Variants in SOX5 observed in about 807,000 individuals in gnomAD.
SOX5 encodes SRY-box transcription factor 5.
A neutral mutation model predicts 92.0 loss-of-function variants in SOX5; 9 were observed. The ratio of observed to expected loss-of-function variants is 0.10; its 90% CI spans 0.06 to 0.17. The LOEUF (loss-of-function observed/expected upper bound fraction) is 0.17. Ranked by LOEUF, SOX5 falls within the 10% of genes least tolerant of loss-of-function variation. The pLI, the probability that SOX5 is intolerant of heterozygous loss-of-function variation, is 1.00. For synonymous variants in SOX5, 344 were observed against 336.3 expected, an observed-to-expected ratio of 1.02 and a Z score of -0.25; for missense variants, 642 against 944.5, an observed-to-expected ratio of 0.68 and a Z score of 4.20.
intron 9 of SOX5, among the ~76,000 whole-genome samples, chr12:23,601,950 G>T (rs541622138): frequency 6.6e-6 from 1 of 152,206 alleles, no homozygotes; most frequent in East Asian, 1.9e-4. Flanking sequence ...TTATTAAATC[G>T]TTGTTACTTG....
intron 9 of SOX5, among the ~76,000 whole-genome samples, chr12:23,581,742 T>C (rs912173822): frequency 2.6e-5 from 4 of 152,140 alleles, no homozygotes; most frequent in Non-Finnish European, 5.9e-5. Flanking sequence ...AAGAAGTCCA[T>C]TTACTTTTTA....
Position 24,251,713 on chromosome 12 carries a change from A to C in SOX5, c.-77+25503T>G, listed in dbSNP as rs1251825773. 8.6e-5 allele frequency among the ~76,000 whole-genome samples: 13 copies of C among 151,934 alleles called. No individual in the cohort carries two copies. In the East Asian group the frequency reaches 2.3e-3, roughly 27 times the overall value. Reference sequence around the variant, plus strand: ...CAGCCTCCCAAGTAGCTGGGATTACAGGCGCCTGCCACCACGCCCAGCTAA... The same window carrying C: ...CAGCCTCCCAAGTAGCTGGGATTACCGGCGCCTGCCACCACGCCCAGCTAA... On this transcript the variant is annotated intron_variant, in intron 3 of 4. Transcript: ENST00000446891.
intron 2 of SOX5, among the ~76,000 whole-genome samples, chr12:23,863,840 A>T (rs1297436230): frequency 3.6e-5 from 5 of 139,616 alleles, no homozygotes; most frequent in East Asian, 2.2e-4. Flanking sequence ...ACACACACAC[A>T]CTCTGAAATA....
chr12:23,674,570 T>G (rs983143710), intron 6 of SOX5, among the ~76,000 whole-genome samples: 1 of 151,754 alleles, frequency 6.6e-6, no homozygotes, highest in Non-Finnish European at 1.5e-5. Context: ...ACTCTTTACC[T>G]CAGATGATCC....
Position 24,099,922 on chromosome 12 carries a change from A to C in SOX5, c.-2+113421T>G, listed in dbSNP as rs117168461. ...TGCACCTTTGTTTGGTCAGCTGTAA[A>C]ATGAGAAATTTTGATGTGATGAGCT... On this transcript the variant is annotated intron_variant, in intron 4 of 4. Coordinates refer to the SOX5 transcript ENST00000446891. Among the ~76,000 whole-genome samples the C allele has an allele frequency of 6.0e-3, 919 of 152,272 alleles. 7 individuals are homozygous for C. Among genetic ancestry groups the C allele is most frequent in the South Asian group, 0.033 (161 of 4,824 alleles).
At chr12:24,229,317 C>T (rs1962858801) in intron 3 of SOX5, among the ~76,000 whole-genome samples, 2 of 152,268 alleles carry the variant, frequency 1.3e-5, no homozygotes, top group Admixed American at 6.5e-5. Context: ...ATTCTCATTG[C>T]CAAGTGTCGA....
At chr12:24,045,611 T>TCTTAAAGACA (rs1451588060) in intron 4 of SOX5, among the ~76,000 whole-genome samples, 2 of 152,134 alleles carry the variant, frequency 1.3e-5, no homozygotes, top group Admixed American at 1.3e-4. Context: ...AAGACAACCT[T>TCTTAAAGACA]CTTAAAGACA....
chr12:23,971,530 AAT>A (rs139288287), intron 4 of SOX5, among the ~76,000 whole-genome samples: 235 of 146,700 alleles, frequency 1.6e-3, no homozygotes, highest in African/African-American at 1.9e-3. Context: ...TCCACTTCAG[AAT>A]ATATATATAT....
intron 3 of SOX5, among the ~76,000 whole-genome samples, chr12:23,825,808 A>G (rs1459043981): frequency 1.3e-5 from 2 of 152,224 alleles, no homozygotes; most frequent in Non-Finnish European, 2.9e-5. Context: ...TATTATATGT[A>G]TACTTTAAAA....
chr12:23,538,150 C>G (rs1941030178), intron 13 of SOX5, among the ~76,000 whole-genome samples: 1 of 152,160 alleles, frequency 6.6e-6, no homozygotes, highest in Non-Finnish European at 1.5e-5. Context: ...TCACCCGTAA[C>G]TCCCTATCTT....
At chr12:23,568,446 A>G (rs1947543960) in intron 10 of SOX5, among the ~76,000 whole-genome samples, 1 of 152,198 alleles carries the variant, frequency 6.6e-6, no homozygotes, top group Non-Finnish European at 1.5e-5. Context: ...CTAAGAATTG[A>G]GAAATGATCC....
Position 23,568,492 on chromosome 12 carries a change from C to G in SOX5, c.1343-5089G>C, listed in dbSNP as rs182653127. On this transcript the variant is annotated intron_variant, in intron 10 of 14. Transcript: ENST00000451604. ...AAAATAACTACTGCTTGCCTCAAAC[C>G]CTTCCAGATTGCCAGATACATGTAT... is the stretch of plus-strand genomic sequence containing the variant. Among the ~76,000 whole-genome samples, 34 of 152,218 alleles carry G rather than the reference C, an allele frequency of 2.2e-4. No individual in the cohort carries two copies. In the East Asian group the frequency reaches 4.8e-3, roughly 22 times the overall value.
intron 4 of SOX5, among the ~76,000 whole-genome samples, chr12:24,153,046 T>C (rs1181688951): frequency 6.6e-6 from 1 of 152,090 alleles, no homozygotes; most frequent in Non-Finnish European, 1.5e-5. Flanking sequence ...GGAGTGGCTG[T>C]TGTCAGCAGA....
At chr12:23,578,300 G>T (rs546766258) in intron 9 of SOX5, among the ~76,000 whole-genome samples, 1 of 148,982 alleles carries the variant, frequency 6.7e-6, no homozygotes, top group African/African-American at 2.5e-5. Context: ...CTCAACATGT[G>T]GCTCACAGAC....
In SOX5 at chr12:24,254,410, A is replaced by C. The variant is rs114734926; in HGVS notation, c.-77+22806T>G. Among the ~76,000 whole-genome samples, 488 of 151,864 alleles carry C rather than the reference A, an allele frequency of 3.2e-3. 2 individuals carry two copies. The highest frequency in any genetic ancestry group is 0.011 in the African/African-American group (467 of 41,370). ...AAAAAAAAAAGTCAAAAAAAAATAC[A>C]TCTAATACATCTAATCTACCAAACA... On this transcript the variant is annotated intron_variant, in intron 3 of 4. Coordinates refer to the SOX5 transcript ENST00000446891.
In SOX5 at chr12:24,362,994, C is replaced by T. The variant is rs143131919; in HGVS notation, c.-174+5569G>A. Among the ~76,000 whole-genome samples the T allele has an allele frequency of 6.5e-3, 980 of 151,610 alleles. 9 individuals are homozygous for T. Among genetic ancestry groups the T allele is most frequent in the South Asian group, 0.018 (85 of 4,808 alleles). The stretch of plus-strand genomic sequence containing the variant: ...TCCTCAAATTCATCATTCACAGATA[C>T]GTAAAAACATGTAATCAAATATTAT... On this transcript the variant is annotated intron_variant, in intron 2 of 4. Transcript: ENST00000446891.
intron 11 of SOX5, among the ~76,000 whole-genome samples, chr12:23,552,549 C>CT (rs762761921): frequency 1.5e-4 from 23 of 151,954 alleles, no homozygotes; most frequent in South Asian, 4.1e-4. Context: ...CATAAAATAT[C>CT]TTAAGAACCT....
chr12:23,638,606 T>C (rs1592823397), intron 8 of SOX5: 1 of 152,182 alleles, frequency 6.6e-6, no homozygotes, highest in African/African-American at 2.4e-5. Context: ...GTAGTTAGCT[T>C]TTCTCTCACC....
intron 11 of SOX5, among the ~76,000 whole-genome samples, chr12:23,554,822 G>A (rs928685325): frequency 6.6e-6 from 1 of 152,070 alleles, no homozygotes; most frequent in African/African-American, 2.4e-5. Context: ...AAAATAGCTT[G>A]CAATAAACAT....
Sources: allele counts gnomAD v4.1 joint callset (sites outside exome capture counted in the v4.1 genomes callset), GRCh38; gene constraint gnomAD v4.1.1; transcripts MANE v1.5; gene names NCBI Gene and HGNC (gene_info 2026-07-23, HGNC 2026-07-21).